GALNT13: variants seen among roughly 807,000 people sequenced by gnomAD.
GALNT13 encodes UDP-GalNAc:polypeptide N-acetylgalactosaminyltransferase 13.
A neutral mutation model predicts 64.2 loss-of-function variants in GALNT13; 28 were observed. That is an observed-to-expected ratio of 0.44 (90% CI 0.32 to 0.60). The LOEUF is 0.60. Among genes scored for constraint, GALNT13 ranks in the 20% least tolerant of loss-of-function variants. The pLI, the probability that GALNT13 is intolerant of heterozygous loss-of-function variation, is 0.05. For synonymous variants in GALNT13, 214 were observed against 224.6 expected, an observed-to-expected ratio of 0.95 and a Z score of 0.42; for missense variants, 577 against 669.8, an observed-to-expected ratio of 0.86 and a Z score of 1.53.
chr2:153,783,683 C>G, the GALNT13 span, among the ~76,000 whole-genome samples: 1 of 152,092 alleles, frequency 6.6e-6, no homozygotes, highest in South Asian at 2.1e-4. Flanking sequence ...ATAATTCTAT[C>G]ATGGGAACAG....
At chr2:154,297,470 T>C (rs1221970863) in intron 8 of GALNT13, among the ~76,000 whole-genome samples, 16 of 152,128 alleles carry the variant, frequency 1.1e-4, no homozygotes, top group Admixed American at 1.0e-3. Context: ...CTGATATCCT[T>C]ATAAGAAGAG....
intron 3 of GALNT13, among the ~76,000 whole-genome samples, chr2:154,061,800 G>A (rs1474970473): frequency 6.6e-6 from 1 of 151,968 alleles, no homozygotes; most frequent in Non-Finnish European, 1.5e-5. Flanking sequence ...GTTTTCATTA[G>A]GAGAAATTGC....
At chr2:153,570,370 G>T in the GALNT13 span, among the ~76,000 whole-genome samples, 1 of 152,130 alleles carries the variant, frequency 6.6e-6, no homozygotes, top group Non-Finnish European at 1.5e-5. Context: ...TGGATGGTTT[G>T]TGAATATTTT....
chr2:153,466,953 G>T, the GALNT13 span, among the ~76,000 whole-genome samples: 1 of 151,996 alleles, frequency 6.6e-6, no homozygotes, highest in African/African-American at 2.4e-5. Context: ...CAGAATAGGG[G>T]AAATTTATAA....
the GALNT13 span, among the ~76,000 whole-genome samples, chr2:153,211,234 C>A: frequency 2.0e-5 from 3 of 151,958 alleles, no homozygotes; most frequent in African/African-American, 7.2e-5. Context: ...GCTCAGCCTC[C>A]CGGGTTCAAG....
chr2:154,370,326 T>C (rs750660654), intron 9 of GALNT13, among the ~76,000 whole-genome samples: 1 of 152,140 alleles, frequency 6.6e-6, no homozygotes, highest in East Asian at 1.9e-4. Flanking sequence ...AAGTCTGATA[T>C]GCGTTTTTCA....
chr2:154,370,001 C>A (rs891665529), intron 9 of GALNT13, among the ~76,000 whole-genome samples: 1 of 152,104 alleles, frequency 6.6e-6, no homozygotes, highest in African/African-American at 2.4e-5. Context: ...CATACATAAT[C>A]CATTTTAGAA....
chr2:153,324,947 T>C, the GALNT13 span, among the ~76,000 whole-genome samples: 25 of 152,220 alleles, frequency 1.6e-4, no homozygotes, highest in Non-Finnish European at 2.9e-4. Flanking sequence ...ATTTTCTTTT[T>C]TTGTTGTGTC....
In GALNT13 at chr2:154,334,305, T is replaced by C. The variant is rs1439473886; in HGVS notation, c.1156+32716T>C. Among the ~76,000 whole-genome samples the C allele has an allele frequency of 2.6e-5, 4 of 152,046 alleles. No homozygotes were observed. The East Asian group carries it at 7.7e-4, about 29-fold the overall frequency. On this transcript the variant is annotated intron_variant, in intron 9 of 12. Coordinates refer to ENST00000392825, the MANE Select transcript of GALNT13 (RefSeq NM_052917.4). ...TTTCTACCTGCCTTATTAAAAACTA[T>C]AGGATGCAATAGCATTCGACACCCT...
chr2:153,266,515 A>G, the GALNT13 span, among the ~76,000 whole-genome samples: 2 of 152,280 alleles, frequency 1.3e-5, no homozygotes, highest in Admixed American at 1.3e-4. Context: ...GGCCTCAGAA[A>G]ACTTACAATC....
At chr2:154,225,199 G>GAT (rs1573911002) in intron 4 of GALNT13, among the ~76,000 whole-genome samples, 1 of 96,288 alleles carries the variant, frequency 1.0e-5, no homozygotes, top group African/African-American at 4.0e-5. Context: ...GATAGATACA[G>GAT]AGACTGAGAG....
the GALNT13 span, among the ~76,000 whole-genome samples, chr2:153,589,623 A>G: frequency 1.3e-4 from 20 of 152,214 alleles, no homozygotes; most frequent in Non-Finnish European, 1.0e-4. Flanking sequence ...ACAATTCCAC[A>G]TGGCTGAGAG....
chr2:153,939,495 T>C (rs75705824), intron 2 of GALNT13, among the ~76,000 whole-genome samples: 13 of 152,312 alleles, frequency 8.5e-5, no homozygotes, highest in Admixed American at 5.9e-4. Flanking sequence ...ACAATTTACA[T>C]TGAGTGAAAT....
At chr2:153,647,315 GT>G in the GALNT13 span, among the ~76,000 whole-genome samples, 1 of 151,692 alleles carries the variant, frequency 6.6e-6, no homozygotes, top group African/African-American at 2.4e-5. Context: ...GGGGTTATTT[GT>G]TTTTTTTCTT....
rs149773909 is a variant in GALNT13 at position 153,900,838 on chromosome 2, G to A, written c.-176-98G>A. Reference sequence around the variant, plus strand: ...CATTTTGTAAAACCTATTTAAGCACGTTAAAGTATATAGTGTTTAAGTGTG... The same window carrying A: ...CATTTTGTAAAACCTATTTAAGCACATTAAAGTATATAGTGTTTAAGTGTG... On this transcript the variant is annotated intron_variant, in intron 1 of 12. Coordinates refer to ENST00000392825, the MANE Select transcript of GALNT13 (RefSeq NM_052917.4). The A allele has an allele frequency of 2.0e-5, 3 of 152,210 alleles. No individual in the cohort carries two copies. The East Asian group carries it at 5.8e-4, about 29-fold the overall frequency. The allele number at this position is 152,210 out of a possible 1,614,324, so 9.4% of individuals were successfully genotyped here.
At chr2:153,252,897 G>A in the GALNT13 span, among the ~76,000 whole-genome samples, 2 of 152,136 alleles carry the variant, frequency 1.3e-5, no homozygotes, top group African/African-American at 2.4e-5. Flanking sequence ...TTGAAGTCAG[G>A]TAGCGTGATG....
At chr2:154,037,516 G>C (rs1356391867) in intron 3 of GALNT13, among the ~76,000 whole-genome samples, 1 of 151,952 alleles carries the variant, frequency 6.6e-6, no homozygotes, top group Non-Finnish European at 1.5e-5. Flanking sequence ...AGAGCACTTA[G>C]GCAACAGAAA....
the GALNT13 span, among the ~76,000 whole-genome samples, chr2:153,373,249 T>C: frequency 6.6e-6 from 1 of 151,988 alleles, no homozygotes; most frequent in African/African-American, 2.4e-5. Context: ...GAAAAGAAAG[T>C]TGGGCCAGTA....
At chr2:153,099,905 C>T in the GALNT13 span, among the ~76,000 whole-genome samples, 2 of 152,168 alleles carry the variant, frequency 1.3e-5, no homozygotes, top group South Asian at 4.2e-4. Flanking sequence ...TTTCTGAGGA[C>T]TATTGAAAGG....
Sources: allele counts gnomAD v4.1 joint callset (sites outside exome capture counted in the v4.1 genomes callset), GRCh38; gene constraint gnomAD v4.1.1; transcripts MANE v1.5; gene names NCBI Gene and HGNC (gene_info 2026-07-23, HGNC 2026-07-21).